Variants in LRRTM4 observed in about 807,000 individuals in gnomAD.
LRRTM4 encodes the protein leucine-rich repeat transmembrane neuronal protein 4.
In LRRTM4, 25 loss-of-function variants were observed where a neutral mutation model predicts 47.6. The ratio of observed to expected loss-of-function variants is 0.53; its 90% CI spans 0.38 to 0.73. The LOEUF is 0.73. Ranked by LOEUF, LRRTM4 falls within the 30% of genes least tolerant of loss-of-function variation. LRRTM4 has a pLI of 0.00. For missense variants in LRRTM4, 638 were observed against 713.4 expected (o/e 0.89, Z 1.20); for synonymous variants, 311 against 269.5 (o/e 1.15, Z -1.51).
intron 3 of LRRTM4, among the ~76,000 whole-genome samples, chr2:77,416,967 T>C (rs780088839): frequency 1.3e-5 from 2 of 151,964 alleles, no homozygotes; most frequent in African/African-American, 4.8e-5. Context: ...AGCTACAGAA[T>C]GGGGGAAAAT....
At chr2:77,011,089 T>C (rs1479085189) in intron 3 of LRRTM4, among the ~76,000 whole-genome samples, 1 of 152,134 alleles carries the variant, frequency 6.6e-6, no homozygotes, top group Non-Finnish European at 1.5e-5. Context: ...AGAAAGAATA[T>C]AATGCAAGTC....
intron 3 of LRRTM4, among the ~76,000 whole-genome samples, chr2:77,064,368 A>G (rs1573519661): frequency 6.6e-6 from 1 of 152,312 alleles, no homozygotes. Flanking sequence ...TATAGTAGAG[A>G]TAAAATAAAG....
intron 3 of LRRTM4, among the ~76,000 whole-genome samples, chr2:77,169,731 C>T (rs572888711): frequency 1.5e-4 from 23 of 152,222 alleles, no homozygotes; most frequent in African/African-American, 4.3e-4. Context: ...TGTCCCTGGA[C>T]GTCCATCCTC....
Position 77,309,762 on chromosome 2 carries a change from T to C in LRRTM4, c.1551+208556A>G, listed in dbSNP as rs528157557. Reference sequence around the variant, plus strand: ...CAAAAGGCTAAAAGCACGAGAAATATCTCACCACAGCAAAAAGCTAAAATA... The same window carrying C: ...CAAAAGGCTAAAAGCACGAGAAATACCTCACCACAGCAAAAAGCTAAAATA... On this transcript the variant is annotated intron_variant, in intron 3 of 3. Transcript: ENST00000409884. 5.9e-5 allele frequency among the ~76,000 whole-genome samples: 9 copies of C among 152,198 alleles called. No homozygotes were observed. In the South Asian group the frequency reaches 1.7e-3, roughly 28 times the overall value.
chr2:77,460,845 C>T (rs1314910984), intron 3 of LRRTM4, among the ~76,000 whole-genome samples: 3 of 152,066 alleles, frequency 2.0e-5, no homozygotes, highest in Non-Finnish European at 2.9e-5. Flanking sequence ...TGAGCAGTAA[C>T]TTTGAATAAG....
intron 3 of LRRTM4, among the ~76,000 whole-genome samples, chr2:76,807,955 TTTTC>T (rs1670596555): frequency 6.7e-6 from 1 of 149,400 alleles, no homozygotes; most frequent in Admixed American, 6.8e-5. Flanking sequence ...CTTTCTTTCT[TTTTC>T]TTTTTCTTTC....
rs925722021 is a variant in LRRTM4, at chr2:76,819,664, C to T, written c.1552-70748G>A. Among the ~76,000 whole-genome samples, 3 of 151,874 alleles carry T rather than the reference C, an allele frequency of 2.0e-5. No individual in the cohort carries two copies. The South Asian group carries it at 6.2e-4, about 31-fold the overall frequency. ...GTAATACTTGCTTACTTTCTCCACT[C>T]TTCTTAAAACTGATTCATCTTCTAG... On this transcript the variant is annotated intron_variant, in intron 3 of 3. Transcript: ENST00000409884.
intron 3 of LRRTM4, among the ~76,000 whole-genome samples, chr2:77,426,217 T>A (rs1675098956): frequency 6.6e-6 from 1 of 152,096 alleles, no homozygotes; most frequent in Non-Finnish European, 1.5e-5. Flanking sequence ...CTACTCAAGC[T>A]CATTTACTTC....
chr2:77,083,959 T>C (rs1203254894), intron 3 of LRRTM4, among the ~76,000 whole-genome samples: 2 of 151,530 alleles, frequency 1.3e-5, no homozygotes, highest in Admixed American at 1.3e-4. Flanking sequence ...CGCCCGCCAC[T>C]GCGCCTGGCT....
At chr2:77,331,878 T>C (rs1670983772) in intron 3 of LRRTM4, among the ~76,000 whole-genome samples, 1 of 152,196 alleles carries the variant, frequency 6.6e-6, no homozygotes, top group African/African-American at 2.4e-5. Flanking sequence ...GGTGGTTGGA[T>C]AGTTCCCTAA....
At chr2:77,394,123 A>G (rs1673608956) in intron 3 of LRRTM4, among the ~76,000 whole-genome samples, 1 of 151,962 alleles carries the variant, frequency 6.6e-6, no homozygotes, top group Non-Finnish European at 1.5e-5. Flanking sequence ...ATGCAACTCA[A>G]AATTTTACAT....
chr2:77,025,590 G>C (rs765572), intron 3 of LRRTM4, among the ~76,000 whole-genome samples: 80,002 of 151,860 alleles, frequency 0.53, 22,276 homozygotes, highest in African/African-American at 0.7. Flanking sequence ...AAATAAATAA[G>C]ATCAATATTC....
In LRRTM4 at chr2:77,485,796, T is replaced by A. The variant is rs369691441; in HGVS notation, c.1551+32522A>T. Among the ~76,000 whole-genome samples the A allele has an allele frequency of 2.6e-5, 4 of 152,262 alleles. No homozygotes were observed. In the South Asian group the frequency reaches 8.3e-4, roughly 32 times the overall value. ...TTCAGGCTGCAGTAGAGTGGCATGA[T>A]CACAACTCACTGTAGCCTAGACTTC... On this transcript the variant is annotated intron_variant, in intron 3 of 3. Transcript: ENST00000409884.
At chr2:76,920,141 A>G (rs1447482982) in intron 3 of LRRTM4, among the ~76,000 whole-genome samples, 2 of 152,172 alleles carry the variant, frequency 1.3e-5, no homozygotes, top group South Asian at 2.1e-4. Context: ...TCTACAGGTG[A>G]TAAAAATCAC....
intron 3 of LRRTM4, among the ~76,000 whole-genome samples, chr2:77,387,620 C>T (rs949491288): frequency 7.9e-5 from 12 of 152,066 alleles, no homozygotes; most frequent in African/African-American, 2.9e-4. Flanking sequence ...GCCTGCTTTG[C>T]CTGGACCCTT....
chr2:77,319,814 T>G (rs564757959), intron 3 of LRRTM4, among the ~76,000 whole-genome samples: 1 of 152,316 alleles, frequency 6.6e-6, no homozygotes, highest in African/African-American at 2.4e-5. Context: ...TTGTTGTCTA[T>G]TAAAGATGTG....
intron 3 of LRRTM4, among the ~76,000 whole-genome samples, chr2:76,821,924 G>A (rs560845244): frequency 2.4e-4 from 36 of 151,666 alleles, no homozygotes; most frequent in Non-Finnish European, 4.6e-4. Context: ...AGTACCTGAC[G>A]TATGTTGGAA....
intron 3 of LRRTM4, among the ~76,000 whole-genome samples, chr2:77,478,539 A>C (rs1677526161): frequency 6.6e-6 from 1 of 152,216 alleles, no homozygotes. Context: ...AGAAATATTG[A>C]CAAACATTTA....
At chr2:77,477,842 CAA>C (rs138492779) in intron 3 of LRRTM4, among the ~76,000 whole-genome samples, 1 of 97,152 alleles carries the variant, frequency 1.0e-5, no homozygotes, top group Non-Finnish European at 2.0e-5. Context: ...AAAACTCCAT[CAA>C]AAAAAAAAAA....
Sources: gnomAD v4.1 joint callset for allele counts (sites outside exome capture counted in the v4.1 genomes callset) on GRCh38, gnomAD v4.1.1 for gene constraint, MANE v1.5 for transcripts, NCBI Gene and HGNC (gene_info 2026-07-23, HGNC 2026-07-21) for gene names.